Variants in BCAS3 observed in about 807,000 individuals in gnomAD.
BCAS3 encodes the protein BCAS3 microtubule associated cell migration factor.
BCAS3 carries 53 observed loss-of-function variants against 116.1 expected under a neutral mutation model. The observed-to-expected ratio is 0.46, with a 90% CI of 0.37 to 0.57. The LOEUF (loss-of-function observed/expected upper bound fraction) is 0.57, where lower values mean the gene tolerates loss of function less well. Among genes scored for constraint, BCAS3 ranks in the 20% least tolerant of loss-of-function variants. The pLI, the probability that BCAS3 is intolerant of heterozygous loss-of-function variation, is 0.00. For missense variants in BCAS3, 917 were observed against 1,165.4 expected, an observed-to-expected ratio of 0.79 and a Z score of 3.10; for synonymous variants, 391 against 408.2, an observed-to-expected ratio of 0.96 and a Z score of 0.51.
At chr17:60,896,080 C>T (rs2057488661) in intron 10 of BCAS3, among the ~76,000 whole-genome samples, 1 of 152,162 alleles carries the variant, frequency 6.6e-6, no homozygotes, top group Non-Finnish European at 1.5e-5. Context: ...AATCCCAGCA[C>T]TTTGGGAGGC....
At position 61,166,131 on chromosome 17, in the gene BCAS3, G is replaced by A. The variant is rs188717115; in HGVS notation, c.2425+81567G>A. Among the ~76,000 whole-genome samples the A allele has an allele frequency of 2.6e-5, 4 of 152,190 alleles. No individual in the cohort carries two copies. The East Asian group carries it at 7.7e-4, about 29-fold the overall frequency. ...CCCCATAATTGCTAGTTTAGTCTTT[G>A]CAAAACAAAGCACCTCTCCCAGGAT... On this transcript the variant is annotated intron_variant, in intron 22 of 23. Coordinates refer to ENST00000407086, the MANE Select transcript of BCAS3 (RefSeq NM_017679.5).
chr17:61,308,949 T>C lies in BCAS3; in HGVS notation c.2426-59378T>C, dbSNP rs368988387. ...TACTTACAAAGTTTATGTACCAAAG[T>C]ATAAGTAGGTTGGGAGAATATTATA... On this transcript the variant is annotated intron_variant, in intron 22 of 23. Transcript: ENST00000407086. Among the ~76,000 whole-genome samples, 4 of 152,276 alleles carry C rather than the reference T, an allele frequency of 2.6e-5. No homozygotes were observed. The East Asian group carries it at 7.7e-4, about 29-fold the overall frequency.
At chr17:61,164,866 GA>G (rs747744275) in intron 22 of BCAS3, among the ~76,000 whole-genome samples, 6 of 152,214 alleles carry the variant, frequency 3.9e-5, no homozygotes, top group Non-Finnish European at 7.3e-5. Context: ...ACAAATGATG[GA>G]TAAGATACCT....
At chr17:61,386,522 G>A (rs937738222) in intron 23 of BCAS3, among the ~76,000 whole-genome samples, 5 of 152,222 alleles carry the variant, frequency 3.3e-5, no homozygotes, top group Admixed American at 1.3e-4. Flanking sequence ...GTACAGAGCC[G>A]TGGACGCTGC....
chr17:61,309,402 C>T lies in BCAS3; in HGVS notation c.2426-58925C>T, dbSNP rs979453934. ...CTGAGTACTGAACACTACCGTGTCA[C>T]TCCCCATGTTGCCATTCTGTAGAAG... On this transcript the variant is annotated intron_variant, in intron 22 of 23. Transcript: ENST00000407086. This position sits in a 1 kb window ranked among gnomAD's most constrained non-coding sequence, Gnocchi z 4.6. Among the ~76,000 whole-genome samples the T allele has an allele frequency of 2.0e-5, 3 of 152,052 alleles. No homozygotes were observed. The highest frequency in any genetic ancestry group is 1.3e-4 in the Admixed American group (2 of 15,268).
intron 15 of BCAS3, among the ~76,000 whole-genome samples, chr17:60,997,454 G>A (rs1053186357): frequency 1.3e-5 from 2 of 152,160 alleles, no homozygotes; most frequent in Non-Finnish European, 2.9e-5. Flanking sequence ...GACAGAGGAT[G>A]TTGCTTCTTT....
In BCAS3 at chr17:61,309,839, A is replaced by G. The variant is rs1418800627; in HGVS notation, c.2426-58488A>G. Among the ~76,000 whole-genome samples the G allele has an allele frequency of 3.3e-5, 5 of 152,216 alleles. No homozygotes were observed. The highest frequency in any genetic ancestry group is 7.3e-5 in the Non-Finnish European group (5 of 68,038). The stretch of plus-strand genomic sequence containing the variant: ...ATCTGTCTGCACCCTTGTGAGAAGA[A>G]GCCCATGAAGTCAAATGACAGCTTG... On this transcript the variant is annotated intron_variant, in intron 22 of 23. Transcript: ENST00000407086. The surrounding 1 kb of genome is among the most constrained non-coding windows in gnomAD (Gnocchi z 4.6).
At chr17:61,369,565 G>A (rs1235912889) in intron 23 of BCAS3, among the ~76,000 whole-genome samples, 1 of 152,194 alleles carries the variant, frequency 6.6e-6, no homozygotes, top group Non-Finnish European at 1.5e-5. Context: ...TAGATGTTTA[G>A]GTTTATGGTC....
At position 61,213,414 on chromosome 17, in the gene BCAS3, C is replaced by T. The variant is rs911392600; in HGVS notation, c.2425+128850C>T. On this transcript the variant is annotated intron_variant, in intron 22 of 23. Coordinates refer to ENST00000407086, the MANE Select transcript of BCAS3 (RefSeq NM_017679.5). This position sits in a 1 kb window ranked among gnomAD's most constrained non-coding sequence, Gnocchi z 5.4. ...TGAACTCCTGACCTCGTGATCCACC[C>T]GCCTCGACTTCCCAAAGTGCTGGGA... is the stretch of plus-strand genomic sequence containing the variant. 6.6e-5 allele frequency among the ~76,000 whole-genome samples: 10 copies of T among 152,066 alleles called. No homozygotes were observed. The highest frequency in any genetic ancestry group is 1.3e-4 in the Admixed American group (2 of 15,258).
intron 15 of BCAS3, among the ~76,000 whole-genome samples, chr17:61,009,087 A>G (rs1207241410): frequency 6.6e-6 from 1 of 152,036 alleles, no homozygotes; most frequent in Non-Finnish European, 1.5e-5. Context: ...GAGTTATAGG[A>G]AGGTGTCTAT....
At position 61,204,270 on chromosome 17, in the gene BCAS3, G is replaced by C. The variant is rs1370252748; in HGVS notation, c.2425+119706G>C. The stretch of plus-strand genomic sequence containing the variant: ...TGTGCTAAACCAAATTCTCCTACAA[G>C]GTATTGCTCTGTATTCAAATGGGAA... On this transcript the variant is annotated intron_variant, in intron 22 of 23. Transcript: ENST00000407086. The surrounding 1 kb of genome is among the most constrained non-coding windows in gnomAD (Gnocchi z 4.2). Among the ~76,000 whole-genome samples the C allele has an allele frequency of 6.6e-6, 1 of 152,066 alleles. No individual in the cohort carries two copies. Among genetic ancestry groups the C allele is most frequent in the African/African-American group, 2.4e-5 (1 of 41,394 alleles).
At position 61,141,928 on chromosome 17, in the gene BCAS3, A is replaced by T. The variant is rs2076945598; in HGVS notation, c.2425+57364A>T. Among the ~76,000 whole-genome samples the T allele has an allele frequency of 6.6e-6, 1 of 150,884 alleles. No homozygotes were observed. The highest frequency in any genetic ancestry group is 2.4e-5 in the African/African-American group (1 of 41,128). On this transcript the variant is annotated intron_variant, in intron 22 of 23. Coordinates refer to ENST00000407086, the MANE Select transcript of BCAS3 (RefSeq NM_017679.5). The surrounding 1 kb of genome is among the most constrained non-coding windows in gnomAD (Gnocchi z 4.3). Reference sequence around the variant, plus strand: ...AAAAAAAAAAAAAAAAAAGTTAGACAATTATACAGAGATACTCAAGTTCTT... The same window carrying T: ...AAAAAAAAAAAAAAAAAAGTTAGACTATTATACAGAGATACTCAAGTTCTT...
chr17:60,910,215 T>C (rs573699793), intron 11 of BCAS3, among the ~76,000 whole-genome samples: 62 of 152,332 alleles, frequency 4.1e-4, no homozygotes, highest in African/African-American at 1.4e-3. Flanking sequence ...GAGGAGGGAA[T>C]GAAAGAAATA....
chr17:61,329,200 C>T (rs1289100921), intron 22 of BCAS3, among the ~76,000 whole-genome samples: 1 of 151,450 alleles, frequency 6.6e-6, no homozygotes. Flanking sequence ...GGCTCTTTTT[C>T]TAAGGGCACC....
chr17:60,748,103 T>C (rs1424408070), intron 6 of BCAS3, among the ~76,000 whole-genome samples: 1 of 152,150 alleles, frequency 6.6e-6, no homozygotes, highest in African/African-American at 2.4e-5. Context: ...ATTAAAATAT[T>C]TTAATTCTAT....
chr17:61,205,294 AACTGGTTACATTTC>A lies in BCAS3; in HGVS notation c.2425+120732_2425+120745del, dbSNP rs1386863201. Among the ~76,000 whole-genome samples the A allele has an allele frequency of 6.6e-6, 1 of 152,230 alleles. No individual in the cohort carries two copies. The highest frequency in any genetic ancestry group is 1.5e-5 in the Non-Finnish European group (1 of 68,042). On this transcript the variant is annotated intron_variant, in intron 22 of 23. Coordinates refer to ENST00000407086, the MANE Select transcript of BCAS3 (RefSeq NM_017679.5). The surrounding 1 kb of genome is among the most constrained non-coding windows in gnomAD (Gnocchi z 5.2). The stretch of plus-strand genomic sequence containing the variant: ...TGATAAAATATGTTTTAGGAAGGAA[AACTGGTTACATTTC>A]AGCATATACAGCTGGACTTCCTGGT...
Position 61,188,681 on chromosome 17 carries a change from C to T in BCAS3, c.2425+104117C>T, listed in dbSNP as rs745725063. ...AGGAGAGGTCCTTCAGGCAACTGCT[C>T]AGAGTGCTGTGTCGAGCTTAATGGG... is the stretch of plus-strand genomic sequence containing the variant. On this transcript the variant is annotated intron_variant, in intron 22 of 23. Transcript: ENST00000407086. The surrounding 1 kb of genome is among the most constrained non-coding windows in gnomAD (Gnocchi z 4.0). 5.9e-5 allele frequency among the ~76,000 whole-genome samples: 9 copies of T among 152,194 alleles called. No individual in the cohort carries two copies. Among genetic ancestry groups the T allele is most frequent in the Non-Finnish European group, 1.0e-4 (7 of 68,038 alleles).
rs1007791577 is a variant in BCAS3, at chr17:61,023,176, AGTT to A, written c.1637+7282_1637+7284del. Among the ~76,000 whole-genome samples, 17 of 152,222 alleles carry A rather than the reference AGTT, an allele frequency of 1.1e-4. No homozygotes were observed. The highest frequency in any genetic ancestry group is 4.1e-4 in the African/African-American group (17 of 41,462). The stretch of plus-strand genomic sequence containing the variant: ...CATGTGGGAAATGCAAGTTCACTTC[AGTT>A]GTTGTTTTAACAGAGGGCACACAGA... On this transcript the variant is annotated intron_variant, in intron 16 of 23. Coordinates refer to ENST00000407086, the MANE Select transcript of BCAS3 (RefSeq NM_017679.5). The surrounding 1 kb of genome is among the most constrained non-coding windows in gnomAD (Gnocchi z 4.8).
chr17:60,946,586 G>T (rs911026170), intron 13 of BCAS3, among the ~76,000 whole-genome samples: 3 of 152,074 alleles, frequency 2.0e-5, no homozygotes, highest in Admixed American at 6.6e-5. Context: ...GTTTCATGGG[G>T]GGTATGTCAT....
Sources: allele counts gnomAD v4.1 joint callset (sites outside exome capture counted in the v4.1 genomes callset), GRCh38; gene constraint gnomAD v4.1.1; non-coding constraint Gnocchi (gnomAD v3.1); transcripts MANE v1.5; gene names NCBI Gene and HGNC (gene_info 2026-07-23, HGNC 2026-07-21).